ANKRD55: variants seen among roughly 807,000 people sequenced by gnomAD.
ANKRD55 encodes the protein ankyrin repeat domain-containing protein 55.
In ANKRD55, 41 loss-of-function variants were observed where a neutral mutation model predicts 60.6. That is an observed-to-expected ratio of 0.68 (90% confidence interval 0.53 to 0.88). The LOEUF is 0.88. Ranked by LOEUF, ANKRD55 falls within the 40% of genes least tolerant of loss-of-function variation. ANKRD55 has a pLI of 0.00. For missense variants in ANKRD55, 732 were observed against 767.6 expected (o/e 0.95, Z 0.55); for synonymous variants, 264 against 290.3 (o/e 0.91, Z 0.92).
At chr5:56,152,787 GA>G (rs1758088478) in intron 6 of ANKRD55, among the ~76,000 whole-genome samples, 1 of 152,008 alleles carries the variant, frequency 6.6e-6, no homozygotes, top group South Asian at 2.1e-4. Context: ...CATTGGAACA[GA>G]ACAAAGAGTT....
intron 2 of ANKRD55, among the ~76,000 whole-genome samples, chr5:56,211,897 G>A (rs1017294837): frequency 2.6e-5 from 4 of 152,140 alleles, no homozygotes; most frequent in Non-Finnish European, 5.9e-5. Flanking sequence ...AGTGGTAATA[G>A]CACAAATATT....
chr5:56,177,173 G>T (rs575285583), intron 3 of ANKRD55, among the ~76,000 whole-genome samples: 1 of 152,224 alleles, frequency 6.6e-6, no homozygotes, highest in South Asian at 2.1e-4. Context: ...TTTGAACATT[G>T]CCTGGAGGGA....
At chr5:56,229,077 C>T (rs578156572) in intron 2 of ANKRD55, among the ~76,000 whole-genome samples, 72 of 149,862 alleles carry the variant, frequency 4.8e-4, no homozygotes, top group African/African-American at 1.7e-3. Context: ...CCCCACCTCC[C>T]GCCGACCCCT....
At position 56,102,519 on chromosome 5, in the gene ANKRD55, G is replaced by A; in HGVS notation, c.1698C>T (p.Asn566=). 2 of 1,613,708 alleles carry A rather than the reference G, an allele frequency of 1.2e-6. No homozygotes were observed. Among genetic ancestry groups the A allele is most frequent in the Non-Finnish European group, 1.7e-6 (2 of 1,179,674 alleles). The change falls in exon 11 of 12, where the codon AAC becomes AAT. Residue 566 remains asparagine (N), a synonymous_variant. Coordinates refer to ENST00000341048, the MANE Select transcript of ANKRD55 (RefSeq NM_024669.3). ...ATTTTTGATCTGGTAGGGGAGCTAGGTTGTTCCGAGTGAAAGGAAGATCCC... is the reference window on the plus strand; with the variant it reads ...ATTTTTGATCTGGTAGGGGAGCTAGATTGTTCCGAGTGAAAGGAAGATCCC... ...KIRDLPFTRN[N]LAPLPDQKFL...
At chr5:56,122,925 C>CCACAAA (rs1757117913) in intron 8 of ANKRD55, among the ~76,000 whole-genome samples, 1 of 151,776 alleles carries the variant, frequency 6.6e-6, no homozygotes, top group Admixed American at 6.6e-5. Context: ...ACCACTATGT[C>CCACAAA]CGGCTAATGT....
intron 2 of ANKRD55, among the ~76,000 whole-genome samples, chr5:56,194,162 A>C (rs1402984514): frequency 1.3e-5 from 2 of 152,058 alleles, no homozygotes; most frequent in Non-Finnish European, 2.9e-5. Flanking sequence ...CTAAAAATAC[A>C]AAAATTAGCT....
At chr5:56,148,931 A>G (rs1233289280) in intron 6 of ANKRD55, among the ~76,000 whole-genome samples, 2 of 152,130 alleles carry the variant, frequency 1.3e-5, no homozygotes, top group Non-Finnish European at 2.9e-5. Context: ...AAGGATCTAG[A>G]ATTTCCAGCA....
In ANKRD55 at chr5:56,192,595, G is replaced by C. The variant is rs1344200198; in HGVS notation, c.59-8961C>G. On this transcript the variant is annotated intron_variant, in intron 2 of 11. Coordinates refer to ENST00000341048, the MANE Select transcript of ANKRD55 (RefSeq NM_024669.3). Reference sequence around the variant, plus strand: ...ATTTTTTAACCTTCCTCTATGGATCGGCAATAGGGTTTATTTTATTTTCTC... The same window carrying C: ...ATTTTTTAACCTTCCTCTATGGATCCGCAATAGGGTTTATTTTATTTTCTC... The C allele has an allele frequency of 2.2e-5, 12 of 534,984 alleles. No individual in the cohort carries two copies. In the Admixed American group the frequency reaches 3.7e-4, roughly 16 times the overall value. 33.1% of individuals were successfully genotyped at this position (534,984 alleles called of 1,614,324 possible). A position where few individuals can be genotyped will look rare whatever the true frequency, so the allele number is the denominator to read the frequency against.
chr5:56,120,480 G>T (rs945329435), intron 8 of ANKRD55, among the ~76,000 whole-genome samples: 9 of 152,212 alleles, frequency 5.9e-5, no homozygotes, highest in Admixed American at 5.9e-4. Context: ...GAAGGGAAAA[G>T]TATTTTTGCT....
chr5:56,175,409 G>C (rs1038159463), intron 4 of ANKRD55, among the ~76,000 whole-genome samples: 1 of 152,192 alleles, frequency 6.6e-6, no homozygotes, highest in Non-Finnish European at 1.5e-5. Flanking sequence ...GAAGAAAAAG[G>C]ATGACCTCCA....
At chr5:56,213,743 A>G (rs1759735338) in intron 2 of ANKRD55, among the ~76,000 whole-genome samples, 1 of 152,214 alleles carries the variant, frequency 6.6e-6, no homozygotes, top group Admixed American at 6.5e-5. Flanking sequence ...GTCTCGGAAG[A>G]TAGAACACCA....
chr5:56,230,198 C>T (rs558236675), intron 2 of ANKRD55, among the ~76,000 whole-genome samples: 32 of 152,220 alleles, frequency 2.1e-4, no homozygotes, highest in Admixed American at 8.5e-4. Context: ...CAGGTTCAAG[C>T]GATTTCCTGC....
intron 7 of ANKRD55, chr5:56,137,341 C>T: frequency 1.4e-6 from 2 of 1,462,582 alleles, no homozygotes; most frequent in South Asian, 1.1e-5. Flanking sequence ...GGGAACAAAG[C>T]ACCTAAGATG....
chr5:56,151,643 T>C (rs986335786), intron 6 of ANKRD55, among the ~76,000 whole-genome samples: 2 of 151,786 alleles, frequency 1.3e-5, no homozygotes, highest in Non-Finnish European at 2.9e-5. Flanking sequence ...TGAAACCCCA[T>C]CTCCACAAAA....
At chr5:56,147,317 G>A (rs1473654566) in intron 6 of ANKRD55, among the ~76,000 whole-genome samples, 9 of 152,164 alleles carry the variant, frequency 5.9e-5, no homozygotes, top group Admixed American at 5.9e-4. Context: ...CACACATCAT[G>A]GTGGTAGAAT....
intron 2 of ANKRD55, among the ~76,000 whole-genome samples, chr5:56,188,080 G>A (rs1368759305): frequency 2.0e-5 from 3 of 152,172 alleles, no homozygotes; most frequent in Non-Finnish European, 2.9e-5. Flanking sequence ...CTGATTCAGT[G>A]GAATTGGCTA....
At chr5:56,142,969 A>G (rs1189498265) in intron 7 of ANKRD55, among the ~76,000 whole-genome samples, 2 of 152,188 alleles carry the variant, frequency 1.3e-5, no homozygotes, top group African/African-American at 4.8e-5. Flanking sequence ...ACACATGTCA[A>G]TCCTGAAAGT....
chr5:56,139,551 G>A lies in ANKRD55; in HGVS notation c.612+4250C>T, dbSNP rs139428187. On this transcript the variant is annotated intron_variant, in intron 7 of 11. Transcript: ENST00000341048. ...ATACAGGGAGTGCAAGAAGAAAGAAGCATTTTACCCAAATGGAAGAGCATG... is the reference window on the plus strand; with the variant it reads ...ATACAGGGAGTGCAAGAAGAAAGAAACATTTTACCCAAATGGAAGAGCATG... 4.2e-3 allele frequency among the ~76,000 whole-genome samples: 645 copies of A among 152,310 alleles called. 3 individuals carry two copies. The highest frequency in any genetic ancestry group is 0.034 in the Middle Eastern group (10 of 294).
chr5:56,130,812 T>G (rs1447805471), intron 7 of ANKRD55, among the ~76,000 whole-genome samples: 1 of 152,124 alleles, frequency 6.6e-6, no homozygotes, highest in Non-Finnish European at 1.5e-5. Flanking sequence ...TAATAAATGC[T>G]GGAGATAAAA....
Sources: allele counts gnomAD v4.1 joint callset (sites outside exome capture counted in the v4.1 genomes callset), GRCh38; gene constraint gnomAD v4.1.1; transcripts MANE v1.5; gene names NCBI Gene and HGNC (gene_info 2026-07-23, HGNC 2026-07-21).